KAZN: variants seen among roughly 807,000 people sequenced by gnomAD.
KAZN encodes kazrin, periplakin interacting protein, also known as kazrin.
A neutral mutation model predicts 87.4 loss-of-function variants in KAZN; 40 were observed. The observed-to-expected ratio is 0.46, with a 90% CI of 0.36 to 0.60. The LOEUF (loss-of-function observed/expected upper bound fraction) is 0.60, where lower values mean the gene tolerates loss of function less well. Among genes scored for constraint, KAZN ranks in the 20% least tolerant of loss-of-function variants. The probability of loss-of-function intolerance (pLI) is 0.00; values close to 1 mark genes in which losing one functional copy is unlikely to be tolerated. For synonymous variants in KAZN, 466 were observed against 458.3 expected, an observed-to-expected ratio of 1.02 and a Z score of -0.22; for missense variants, 898 against 1,073.9, an observed-to-expected ratio of 0.84 and a Z score of 2.29.
In KAZN at chr1:14,598,773, G is replaced by A; in HGVS notation, c.-225G>A. 7.4e-7 allele frequency: 1 copy of A among 1,343,336 alleles called. No individual in the cohort carries two copies. The allele number at this position is 1,343,336 out of a possible 1,614,324, so 83.2% of individuals were successfully genotyped here. A position where few individuals can be genotyped will look rare whatever the true frequency, so the allele number is the denominator to read the frequency against. ...CTTCTCCTCCTCTTTTTTCTCCTCC[G>A]CCTCCTCCCCCCGCCGCCTCGCCAC... On this transcript the variant is annotated 5_prime_UTR_variant, in exon 1 of 15. Coordinates refer to ENST00000376030, the MANE Select transcript of KAZN (RefSeq NM_201628.3). This position sits in a 1 kb window ranked among gnomAD's most constrained non-coding sequence, Gnocchi z 4.2.
intron 1 of KAZN, among the ~76,000 whole-genome samples, chr1:14,615,368 C>T (rs546304122): frequency 5.9e-5 from 9 of 152,160 alleles, no homozygotes; most frequent in Non-Finnish European, 1.3e-4. Context: ...CGCTCAACAC[C>T]TGTAATCCTA....
intron 1 of KAZN, among the ~76,000 whole-genome samples, chr1:13,995,489 T>C (rs1639472524): frequency 6.6e-6 from 1 of 151,898 alleles, no homozygotes; most frequent in African/African-American, 2.4e-5. Context: ...CTAACAAGAG[T>C]TTTTTTCTGA....
chr1:14,796,359 G>A (rs1048161359), intron 1 of KAZN, among the ~76,000 whole-genome samples: 4 of 152,136 alleles, frequency 2.6e-5, no homozygotes, highest in African/African-American at 7.2e-5. Flanking sequence ...GTGAAGCCAC[G>A]TGTCATGTCC....
At chr1:14,904,388 C>A (rs1656272195) in intron 1 of KAZN, among the ~76,000 whole-genome samples, 1 of 151,082 alleles carries the variant, frequency 6.6e-6, no homozygotes, top group Non-Finnish European at 1.5e-5. Context: ...CTATAAAAAT[C>A]TGGCACATGG....
intron 2 of KAZN, among the ~76,000 whole-genome samples, chr1:14,532,377 C>T (rs966814348): frequency 3.3e-5 from 5 of 152,016 alleles, no homozygotes; most frequent in South Asian, 2.1e-4. Context: ...GAGGACATTC[C>T]GGAGACTTGC....
At chr1:13,967,010 C>G (rs1230612949) in intron 1 of KAZN, among the ~76,000 whole-genome samples, 1 of 152,186 alleles carries the variant, frequency 6.6e-6, no homozygotes, top group Admixed American at 6.5e-5. Context: ...CCACCCCACC[C>G]CTCAGCCCAG....
chr1:14,347,538 C>A (rs1437274505), intron 2 of KAZN, among the ~76,000 whole-genome samples: 1 of 152,102 alleles, frequency 6.6e-6, no homozygotes, highest in Non-Finnish European at 1.5e-5. Context: ...TGGTATCCTG[C>A]CCATAGCTTT....
At chr1:14,658,191 G>A (rs185946260) in intron 1 of KAZN, among the ~76,000 whole-genome samples, 30 of 152,270 alleles carry the variant, frequency 2.0e-4, no homozygotes, top group African/African-American at 6.3e-4. Context: ...ATAAAACCCC[G>A]ACAGAGCTGG....
chr1:13,996,644 C>T (rs1639532294), intron 1 of KAZN, among the ~76,000 whole-genome samples: 1 of 152,214 alleles, frequency 6.6e-6, no homozygotes, highest in Non-Finnish European at 1.5e-5. Context: ...CTGGGTGGGG[C>T]TTCCTTGTAG....
At chr1:14,605,053 C>A (rs377051038) in intron 1 of KAZN, among the ~76,000 whole-genome samples, 1 of 152,170 alleles carries the variant, frequency 6.6e-6, no homozygotes. Flanking sequence ...AAGAACAGAG[C>A]GCCCCTTTTA....
chr1:14,292,759 C>T (rs1318698153), intron 2 of KAZN, among the ~76,000 whole-genome samples: 1 of 152,202 alleles, frequency 6.6e-6, no homozygotes, highest in Non-Finnish European at 1.5e-5. Context: ...CTCATGTTGG[C>T]CGCAGGCTCA....
chr1:14,483,971 TC>T (rs1212872885), intron 2 of KAZN, among the ~76,000 whole-genome samples: 1 of 152,224 alleles, frequency 6.6e-6, no homozygotes, highest in Non-Finnish European at 1.5e-5. Context: ...AATTTGATTC[TC>T]CCGCATGTGG....
chr1:14,627,691 C>T lies in KAZN; in HGVS notation c.226+28468C>T, dbSNP rs192835837. Among the ~76,000 whole-genome samples, 250 of 152,254 alleles carry T rather than the reference C, an allele frequency of 1.6e-3. 1 individual carries two copies. The highest frequency in any genetic ancestry group is 0.014 in the Middle Eastern group (4 of 294). On this transcript the variant is annotated intron_variant, in intron 1 of 14. Transcript: ENST00000376030. ...ATGACTCCCAGCCGAGCTAGTTTCC[C>T]GTTAGAATCCACAGCAGCTGACAAA...
At chr1:15,084,554 A>C (rs1186701736) in intron 8 of KAZN, among the ~76,000 whole-genome samples, 1 of 152,254 alleles carries the variant, frequency 6.6e-6, no homozygotes, top group Non-Finnish European at 1.5e-5. Flanking sequence ...CACCAAAGGC[A>C]AAAGCTGAGG....
chr1:14,882,132 C>T (rs1041084421), intron 1 of KAZN, among the ~76,000 whole-genome samples: 2 of 152,174 alleles, frequency 1.3e-5, no homozygotes, highest in African/African-American at 4.8e-5. Context: ...CTGTGAGTAG[C>T]CAGAGACTGG....
intron 3 of KAZN, among the ~76,000 whole-genome samples, chr1:15,042,102 C>T (rs1261953399): frequency 1.3e-5 from 2 of 152,344 alleles, no homozygotes; most frequent in East Asian, 1.9e-4. Flanking sequence ...CCTTCCCACC[C>T]GGCCTAGAGC....
chr1:14,013,973 C>A (rs2101206890), intron 1 of KAZN, among the ~76,000 whole-genome samples: 1 of 152,256 alleles, frequency 6.6e-6, no homozygotes, highest in East Asian at 1.9e-4. Flanking sequence ...ACAATATTCC[C>A]AACAGGTCTC....
chr1:14,288,940 C>T (rs1008211010), intron 2 of KAZN, among the ~76,000 whole-genome samples: 1 of 152,164 alleles, frequency 6.6e-6, no homozygotes, highest in Admixed American at 6.5e-5. Flanking sequence ...TCGTTATGTA[C>T]CCAGTAGTCA....
At chr1:13,993,706 A>G (rs1639384755) in intron 1 of KAZN, among the ~76,000 whole-genome samples, 1 of 152,214 alleles carries the variant, frequency 6.6e-6, no homozygotes, top group Non-Finnish European at 1.5e-5. Flanking sequence ...ATCAAATAGT[A>G]AACATGATAA....
Sources: allele counts gnomAD v4.1 joint callset (sites outside exome capture counted in the v4.1 genomes callset), GRCh38; gene constraint gnomAD v4.1.1; non-coding constraint Gnocchi (gnomAD v3.1); transcripts MANE v1.5; gene names NCBI Gene and HGNC (gene_info 2026-07-23, HGNC 2026-07-21).